The following WWOX variants were observed in gnomAD, a reference collection of about 807,000 sequenced individuals.
WWOX encodes WW domain containing oxidoreductase, also known as WW domain-containing oxidoreductase.
In WWOX, 69 loss-of-function variants were observed where a neutral mutation model predicts 46.2. The ratio of observed to expected loss-of-function variants is 1.49; its 90% confidence interval spans 1.23 to 1.82. The LOEUF (loss-of-function observed/expected upper bound fraction) is 1.82, where lower values mean the gene tolerates loss of function less well. WWOX is among the 40% of genes most tolerant of loss of function. The pLI, the probability that WWOX is intolerant of heterozygous loss-of-function variation, is 0.00. For synonymous variants in WWOX, 359 were observed against 202.6 expected (o/e 1.77, Z -6.56); for missense variants, 919 against 542.6 (o/e 1.69, Z -6.89).
intron 4 of WWOX, among the ~76,000 whole-genome samples, chr16:78,140,042 C>G (rs1189569918): frequency 6.6e-6 from 1 of 152,110 alleles, no homozygotes; most frequent in Non-Finnish European, 1.5e-5. Flanking sequence ...TGTAGGCATC[C>G]CATGCTGCAG....
intron 5 of WWOX, among the ~76,000 whole-genome samples, chr16:78,248,017 C>G (rs2037865095): frequency 6.6e-6 from 1 of 152,188 alleles, no homozygotes; most frequent in South Asian, 2.1e-4. Flanking sequence ...ATGCTAAGTA[C>G]TAACATTGAT....
At chr16:78,278,635 C>A in intron 5 of WWOX, 1 of 1,610,558 alleles carries the variant, frequency 6.2e-7, no homozygotes, top group Non-Finnish European at 8.5e-7. Context: ...CAGAAAAGTG[C>A]AGAATAAAAA....
At chr16:78,968,501 C>G (rs950508374) in intron 8 of WWOX, among the ~76,000 whole-genome samples, 2 of 152,212 alleles carry the variant, frequency 1.3e-5, no homozygotes, top group Non-Finnish European at 2.9e-5. Context: ...AATTATGTTT[C>G]ATTGTTAACC....
At chr16:78,557,664 C>T (rs1297171140) in intron 8 of WWOX, among the ~76,000 whole-genome samples, 3 of 144,502 alleles carry the variant, frequency 2.1e-5, no homozygotes, top group Admixed American at 6.9e-5. Flanking sequence ...AAATGCGACA[C>T]ATAAGTGCAT....
chr16:78,682,710 T>C (rs1468404894), intron 8 of WWOX, among the ~76,000 whole-genome samples: 2 of 152,128 alleles, frequency 1.3e-5, no homozygotes, highest in Non-Finnish European at 2.9e-5. Context: ...CCCAACCCTA[T>C]TAAAAAATTA....
At chr16:78,718,873 G>A (rs912055644) in intron 8 of WWOX, among the ~76,000 whole-genome samples, 1 of 152,156 alleles carries the variant, frequency 6.6e-6, no homozygotes, top group Non-Finnish European at 1.5e-5. Flanking sequence ...GGAGGTAAAG[G>A]TGAAGAATTG....
intron 8 of WWOX, chr16:79,004,471 T>C (rs1448881498): frequency 1.3e-5 from 2 of 152,282 alleles, no homozygotes; most frequent in African/African-American, 4.8e-5. Context: ...CAGACCCTGT[T>C]GGTGTTGGCC....
chr16:78,703,455 T>G (rs2048267364), intron 8 of WWOX, among the ~76,000 whole-genome samples: 1 of 23,274 alleles, frequency 4.3e-5, no homozygotes, highest in African/African-American at 8.6e-4. Flanking sequence ...CTCTACACAT[T>G]TTTTTTTTTA....
chr16:78,568,601 G>A (rs2044636081), intron 8 of WWOX, among the ~76,000 whole-genome samples: 1 of 151,032 alleles, frequency 6.6e-6, no homozygotes, highest in East Asian at 2.0e-4. Context: ...TTAGCCTCCC[G>A]AGTAGCTGGG....
intron 5 of WWOX, among the ~76,000 whole-genome samples, chr16:78,311,910 G>A (rs777889924): frequency 6.6e-6 from 1 of 152,052 alleles, no homozygotes; most frequent in Non-Finnish European, 1.5e-5. Flanking sequence ...GGCCTCCCTG[G>A]GCTAAAATCC....
chr16:78,769,970 A>C (rs1184997351), intron 8 of WWOX, among the ~76,000 whole-genome samples: 1 of 152,056 alleles, frequency 6.6e-6, no homozygotes, highest in Non-Finnish European at 1.5e-5. Context: ...CTTGAGCTCA[A>C]GAGGTTGAGG....
At chr16:78,215,915 CAA>C (rs775006510) in intron 5 of WWOX, among the ~76,000 whole-genome samples, 9 of 127,082 alleles carry the variant, frequency 7.1e-5, no homozygotes, top group Admixed American at 8.1e-5. Context: ...GATTCCATCT[CAA>C]AAAAAAAAAA....
At chr16:79,192,916 G>T (rs531921497) in intron 8 of WWOX, among the ~76,000 whole-genome samples, 1 of 152,168 alleles carries the variant, frequency 6.6e-6, no homozygotes, top group African/African-American at 2.4e-5. Flanking sequence ...GCTGTCACTG[G>T]TACAGTGGTT....
chr16:78,368,929 G>C (rs141048289), intron 5 of WWOX, among the ~76,000 whole-genome samples: 8 of 152,260 alleles, frequency 5.3e-5, no homozygotes, highest in African/African-American at 1.7e-4. Flanking sequence ...GCGACTGTCA[G>C]TTGCTCTCTA....
At chr16:78,229,611 G>A (rs936253137) in intron 5 of WWOX, among the ~76,000 whole-genome samples, 8 of 151,660 alleles carry the variant, frequency 5.3e-5, no homozygotes, top group East Asian at 1.9e-4. Context: ...GGCGATGGTA[G>A]TTTCTGTTTT....
At chr16:78,400,531 G>A (rs2082387765) in intron 6 of WWOX, among the ~76,000 whole-genome samples, 1 of 152,064 alleles carries the variant, frequency 6.6e-6, no homozygotes, top group South Asian at 2.1e-4. Flanking sequence ...AGGAAGACTT[G>A]GAAAAAATCT....
intron 8 of WWOX, chr16:79,016,093 G>C (rs1309150859): frequency 6.6e-6 from 1 of 152,144 alleles, no homozygotes; most frequent in Non-Finnish European, 1.5e-5. Context: ...ATCTCTATAT[G>C]TTCTCAAATT....
chr16:78,705,336 A>G (rs529197913), intron 8 of WWOX, among the ~76,000 whole-genome samples: 9 of 152,326 alleles, frequency 5.9e-5, no homozygotes, highest in African/African-American at 1.9e-4. Context: ...AACATGGTCT[A>G]TATGAAAAAC....
chr16:79,202,257 G>A (rs1396146356), intron 8 of WWOX, among the ~76,000 whole-genome samples: 8 of 152,140 alleles, frequency 5.3e-5, no homozygotes, highest in African/African-American at 1.4e-4. Flanking sequence ...ATGAGGGCTT[G>A]GGTGGCACTT....
Sources: allele counts gnomAD v4.1 joint callset (sites outside exome capture counted in the v4.1 genomes callset), GRCh38; gene constraint gnomAD v4.1.1; transcripts MANE v1.5; gene names NCBI Gene and HGNC (gene_info 2026-07-23, HGNC 2026-07-21).